SSBP2: variants seen among roughly 807,000 people sequenced by gnomAD.
SSBP2 encodes single-stranded DNA-binding protein 2.
Under a neutral mutation model 61.8 loss-of-function variants are expected in SSBP2, and 17 were observed. The ratio of observed to expected loss-of-function variants is 0.28; its 90% confidence interval spans 0.19 to 0.41. The LOEUF is 0.41. SSBP2 is among the 10% of genes least tolerant of loss of function. The pLI is 1.00. For synonymous variants in SSBP2, 139 were observed against 141.3 expected (o/e 0.98, Z 0.12); for missense variants, 310 against 458.7 (o/e 0.68, Z 2.96).
In SSBP2 at chr5:81,717,094, T is replaced by G. The variant is rs567837683; in HGVS notation, c.62+33887A>C. Reference sequence around the variant, plus strand: ...ATTAATATAACCTGCTGGAAGACATTCATTGATGGGTCTTCTCCCAATCCT... The same window carrying G: ...ATTAATATAACCTGCTGGAAGACATGCATTGATGGGTCTTCTCCCAATCCT... On this transcript the variant is annotated intron_variant, in intron 1 of 16. Transcript: ENST00000320672. 2.6e-5 allele frequency among the ~76,000 whole-genome samples: 4 copies of G among 152,298 alleles called. No individual in the cohort carries two copies. In the South Asian group the frequency reaches 8.3e-4, roughly 32 times the overall value.
chr5:81,744,727 A>G (rs1464482356), intron 1 of SSBP2, among the ~76,000 whole-genome samples: 5 of 152,104 alleles, frequency 3.3e-5, no homozygotes, highest in African/African-American at 1.2e-4. Context: ...AAAATAGGAG[A>G]TTGCCAGGTC....
Position 81,700,840 on chromosome 5 carries a change from AAG to A in SSBP2, c.62+50139_62+50140del, listed in dbSNP as rs1242780042. On this transcript the variant is annotated intron_variant, in intron 1 of 16. Transcript: ENST00000320672. Reference sequence around the variant, plus strand: ...CTTGCCTCCTAGTCTTCACAAACTGAAGAGTTAGGATCTCCCTCTGGATTTGG... The same window carrying A: ...CTTGCCTCCTAGTCTTCACAAACTGAAGTTAGGATCTCCCTCTGGATTTGG... 2.0e-5 allele frequency among the ~76,000 whole-genome samples: 3 copies of A among 152,200 alleles called. No homozygotes were observed. In the East Asian group the frequency reaches 5.8e-4, roughly 29 times the overall value.
intron 6 of SSBP2, among the ~76,000 whole-genome samples, chr5:81,478,757 C>T (rs1040780776): frequency 6.6e-6 from 1 of 152,190 alleles, no homozygotes; most frequent in East Asian, 1.9e-4. Context: ...AGGTGTAAAC[C>T]ACCATGCCTG....
chr5:81,443,044 G>C (rs1290804179), intron 12 of SSBP2: 1 of 164,508 alleles, frequency 6.1e-6, no homozygotes, highest in Admixed American at 6.4e-5. Context: ...GTGTGTATGT[G>C]TGTATATGTA....
intron 4 of SSBP2, among the ~76,000 whole-genome samples, chr5:81,577,256 T>C (rs1394176768): frequency 2.0e-5 from 3 of 152,042 alleles, no homozygotes; most frequent in Non-Finnish European, 4.4e-5. Flanking sequence ...AGTATTTTTG[T>C]TATAAAAATC....
rs1335347975 is a variant in SSBP2 at position 81,461,078 on chromosome 5, G to A, written c.664C>T (p.Pro222Ser). The stretch of plus-strand genomic sequence containing the variant: ...ACTGAATTGGCATTTGTTGGGTTTG[G>A]CCAAGGTCTACCACCACCTGGACCC... Residue 222 changes from proline (P) to serine (S), a missense_variant, in exon 10 of 17, where the codon CCA becomes TCA. Pro to Ser is a moderately conservative substitution (Grantham distance 74). This residue lies in a region of SSBP2 where 209 missense variants were observed against 286.4 expected (regional missense o/e 0.73). Coordinates refer to ENST00000320672, the MANE Select transcript of SSBP2 (RefSeq NM_012446.5). 1 of 1,582,088 alleles carries A rather than the reference G, an allele frequency of 6.3e-7. No homozygotes were observed. The highest frequency in any genetic ancestry group is 1.2e-5 in the South Asian group (1 of 84,706).
intron 10 of SSBP2, among the ~76,000 whole-genome samples, chr5:81,449,772 T>G (rs1021787222): frequency 2.0e-5 from 3 of 152,206 alleles, no homozygotes; most frequent in African/African-American, 7.2e-5. Context: ...TTTGAAAAGC[T>G]TTTCTCCTTA....
chr5:81,597,639 A>G (rs972746277), intron 4 of SSBP2, among the ~76,000 whole-genome samples: 4 of 152,206 alleles, frequency 2.6e-5, no homozygotes, highest in African/African-American at 9.6e-5. Flanking sequence ...CTGGATTAAG[A>G]AAATGTGGCA....
At chr5:81,501,258 TATATATATATACACACAC>T (rs1767719298) in intron 5 of SSBP2, among the ~76,000 whole-genome samples, 1 of 52,886 alleles carries the variant, frequency 1.9e-5, no homozygotes, top group Middle Eastern at 7.6e-3. Context: ...TATATATATA[TATATATATATACACACAC>T]ACACACATGC....
intron 4 of SSBP2, among the ~76,000 whole-genome samples, chr5:81,532,446 G>A (rs921781369): frequency 1.3e-5 from 2 of 151,186 alleles, no homozygotes; most frequent in African/African-American, 2.4e-5. Flanking sequence ...CAATAAAGAC[G>A]TATACCTAAC....
intron 2 of SSBP2, among the ~76,000 whole-genome samples, chr5:81,645,113 A>G (rs1244203211): frequency 6.6e-6 from 1 of 152,236 alleles, no homozygotes; most frequent in Non-Finnish European, 1.5e-5. Flanking sequence ...CAGCATAACT[A>G]AAGTATTGTT....
chr5:81,627,224 C>T (rs1184242780), intron 3 of SSBP2, among the ~76,000 whole-genome samples: 2 of 152,168 alleles, frequency 1.3e-5, no homozygotes, highest in Admixed American at 6.5e-5. Context: ...AAATTTTCCT[C>T]TGTATTCCAC....
intron 9 of SSBP2, 62 bp from the exon 10 acceptor site, chr5:81,461,165 T>C: frequency 1.6e-6 from 2 of 1,274,044 alleles, no homozygotes; most frequent in Admixed American, 2.3e-5. Flanking sequence ...CAATAATCAA[T>C]GACAAATCAT....
intron 1 of SSBP2, among the ~76,000 whole-genome samples, chr5:81,710,159 T>C (rs1022189489): frequency 6.6e-6 from 1 of 152,024 alleles, no homozygotes; most frequent in African/African-American, 2.4e-5. Context: ...TGCCATGAAC[T>C]GGCAAGCTTA....
At chr5:81,696,931 T>C (rs1355479382) in intron 1 of SSBP2, among the ~76,000 whole-genome samples, 2 of 152,132 alleles carry the variant, frequency 1.3e-5, no homozygotes, top group Admixed American at 1.3e-4. Context: ...GGAAATAAAG[T>C]GGATGGAGGT....
At chr5:81,717,775 T>A (rs1167722956) in intron 1 of SSBP2, among the ~76,000 whole-genome samples, 1 of 152,182 alleles carries the variant, frequency 6.6e-6, no homozygotes, top group Non-Finnish European at 1.5e-5. Context: ...TACTTACATT[T>A]TCAATGCTCT....
intron 5 of SSBP2, among the ~76,000 whole-genome samples, chr5:81,499,001 T>C (rs1767498348): frequency 6.6e-6 from 1 of 152,186 alleles, no homozygotes; most frequent in Non-Finnish European, 1.5e-5. Context: ...TATCTTAATT[T>C]GTTTAGTTTC....
chr5:81,590,942 C>T (rs563445787), intron 4 of SSBP2, among the ~76,000 whole-genome samples: 53 of 152,272 alleles, frequency 3.5e-4, no homozygotes, highest in African/African-American at 1.3e-3. Context: ...ATGTGACACC[C>T]CTGAGACGCA....
chr5:81,610,018 T>A (rs1003946750), intron 4 of SSBP2, among the ~76,000 whole-genome samples: 1 of 152,270 alleles, frequency 6.6e-6, no homozygotes, highest in East Asian at 1.9e-4. Context: ...CACCCTTCAA[T>A]TGTTAGTGTA....
Sources: allele counts gnomAD v4.1 joint callset (sites outside exome capture counted in the v4.1 genomes callset), GRCh38; gene constraint gnomAD v4.1.1; regional missense constraint gnomAD v4.1.1; transcripts MANE v1.5; gene names NCBI Gene and HGNC (gene_info 2026-07-23, HGNC 2026-07-21).